Variants in PLAGL1 observed in about 807,000 individuals in gnomAD.
PLAGL1 encodes PLAG1 like zinc finger 1.
PLAGL1 carries 1 observed loss-of-function variant against 4.6 expected under a neutral mutation model. That is an observed-to-expected ratio of 0.22 (90% CI 0.08 to 1.03). The LOEUF (loss-of-function observed/expected upper bound fraction) is 1.03, where lower values mean the gene tolerates loss of function less well. PLAGL1 is among the 50% of genes least tolerant of loss of function. PLAGL1 has a pLI of 0.58. For synonymous variants in PLAGL1, 240 were observed against 237.8 expected (o/e 1.01, Z -0.08); for missense variants, 464 against 570.4 (o/e 0.81, Z 1.90).
In PLAGL1 at chr6:144,059,427, G is replaced by A. The variant is rs1799225717; in HGVS notation, c.-151+5041C>T. Among the ~76,000 whole-genome samples, 1 of 152,158 alleles carries A rather than the reference G, an allele frequency of 6.6e-6. No individual in the cohort carries two copies. The highest frequency in any genetic ancestry group is 1.5e-5 in the Non-Finnish European group (1 of 68,038). ...CCTCCACCAACTGGGCAGGATTCAGGGGCCTTTGTGTCTGTTAACAAAGCA... is the reference window on the plus strand; with the variant it reads ...CCTCCACCAACTGGGCAGGATTCAGAGGCCTTTGTGTCTGTTAACAAAGCA... On this transcript the variant is annotated intron_variant, in intron 1 of 3. Coordinates refer to the PLAGL1 transcript ENST00000437412. This position sits in a 1 kb window ranked among gnomAD's most constrained non-coding sequence, Gnocchi z 4.9.
At chr6:144,002,032 G>C (rs1793012809) in intron 1 of PLAGL1, among the ~76,000 whole-genome samples, 1 of 152,086 alleles carries the variant, frequency 6.6e-6, no homozygotes, top group South Asian at 2.1e-4. Context: ...GTGGTAATCT[G>C]AATAAAGTGT....
rs1416256527 is a variant in PLAGL1 at position 143,964,026 on chromosome 6, AAGGAGAAGCAG to A, written c.-399+750_-399+760del. ...TTCTGCTGGACTTCTGGGAGGCGAG[AAGGAGAAGCAG>A]AGGAGAAGCTGCCAAAATGACACTC... On this transcript the variant is annotated intron_variant, in intron 5 of 7. Transcript: ENST00000674357. The surrounding 1 kb of genome is among the most constrained non-coding windows in gnomAD (Gnocchi z 4.3). 6.6e-6 allele frequency among the ~76,000 whole-genome samples: 1 copy of A among 152,062 alleles called. No homozygotes were observed. The highest frequency in any genetic ancestry group is 1.9e-4 in the East Asian group (1 of 5,192).
chr6:143,959,549 T>C lies in PLAGL1; in HGVS notation c.-325+920A>G, dbSNP rs1782903726. Among the ~76,000 whole-genome samples the C allele has an allele frequency of 6.6e-6, 1 of 152,236 alleles. No individual in the cohort carries two copies. The highest frequency in any genetic ancestry group is 2.1e-4 in the South Asian group (1 of 4,836). On this transcript the variant is annotated intron_variant, in intron 6 of 7. Coordinates refer to ENST00000674357, the MANE Select transcript of PLAGL1 (RefSeq NM_001317162.2). This position sits in a 1 kb window ranked among gnomAD's most constrained non-coding sequence, Gnocchi z 5.3. Reference sequence around the variant, plus strand: ...CCAAATATTTAGTGACAATATTGTATTTCAGTAGGAGTCGGAATACTATTT... The same window carrying C: ...CCAAATATTTAGTGACAATATTGTACTTCAGTAGGAGTCGGAATACTATTT...
In PLAGL1 at chr6:143,984,617, G is replaced by T. The variant is rs761332628; in HGVS notation, c.-544+518C>A. Among the ~76,000 whole-genome samples, 2 of 151,964 alleles carry T rather than the reference G, an allele frequency of 1.3e-5. No individual in the cohort carries two copies. The highest frequency in any genetic ancestry group is 2.9e-5 in the Non-Finnish European group (2 of 67,992). On this transcript the variant is annotated intron_variant, in intron 2 of 7. Transcript: ENST00000674357. The surrounding 1 kb of genome is among the most constrained non-coding windows in gnomAD (Gnocchi z 5.5). ...ACAGACTTAGAATCTGTCAGAGAAT[G>T]CAAATCCTTGTTAAGTTACTTTGTA... is the stretch of plus-strand genomic sequence containing the variant.
At chr6:144,049,693 C>T (rs1378639719) in intron 1 of PLAGL1, among the ~76,000 whole-genome samples, 1 of 152,104 alleles carries the variant, frequency 6.6e-6, no homozygotes, top group Non-Finnish European at 1.5e-5. Flanking sequence ...CAGGTCTCTC[C>T]CTAGACATGT....
chr6:144,031,175 T>C (rs1410769602), intron 1 of PLAGL1, among the ~76,000 whole-genome samples: 1 of 152,334 alleles, frequency 6.6e-6, no homozygotes, highest in East Asian at 1.9e-4. Flanking sequence ...TGGATATCCT[T>C]AGCCCGCTTT....
At position 143,976,791 on chromosome 6, in the gene PLAGL1, C is replaced by T. The variant is rs913259073; in HGVS notation, c.-543-7813G>A. On this transcript the variant is annotated intron_variant, in intron 2 of 7. Coordinates refer to ENST00000674357, the MANE Select transcript of PLAGL1 (RefSeq NM_001317162.2). ...CTTCTCTCACAACATGAAAGAAACA[C>T]ATTTTTTAATGAAAGATGTTCAGAC... 3.9e-5 allele frequency among the ~76,000 whole-genome samples: 6 copies of T among 152,164 alleles called. No individual in the cohort carries two copies. The East Asian group carries it at 1.2e-3, about 29-fold the overall frequency.
Position 144,050,799 on chromosome 6 carries a change from A to C in PLAGL1, c.-151+13669T>G, listed in dbSNP as rs1798525424. On this transcript the variant is annotated intron_variant, in intron 1 of 3. Coordinates refer to the PLAGL1 transcript ENST00000437412. The surrounding 1 kb of genome is among the most constrained non-coding windows in gnomAD (Gnocchi z 4.3). ...GTTGTCCCAGCTACTCAAGAGGCTG[A>C]GGTGGCAGGATCACTTGAGTCTGTG... 1.3e-5 allele frequency among the ~76,000 whole-genome samples: 2 copies of C among 152,210 alleles called. No individual in the cohort carries two copies. The highest frequency in any genetic ancestry group is 4.8e-5 in the African/African-American group (2 of 41,458).
At chr6:144,009,114 T>C (rs1343124366), upstream of PLAGL1, among the ~76,000 whole-genome samples, 1 of 152,212 alleles carries the variant, frequency 6.6e-6, no homozygotes, top group African/African-American at 2.4e-5. Context: ...GAAAGTCTCA[T>C]AGCTCTGAAA....
intron 2 of PLAGL1, among the ~76,000 whole-genome samples, chr6:143,977,135 G>A (rs1461092518): frequency 7.2e-6 from 1 of 138,466 alleles, no homozygotes; most frequent in East Asian, 2.1e-4. Flanking sequence ...CCCCACTAGA[G>A]TGGTACATTT....
rs934948707 is a variant in PLAGL1, at chr6:143,957,883, G to T, written c.-325+2586C>A. Among the ~76,000 whole-genome samples the T allele has an allele frequency of 3.3e-5, 5 of 152,210 alleles. No homozygotes were observed. The highest frequency in any genetic ancestry group is 4.8e-5 in the African/African-American group (2 of 41,454). On this transcript the variant is annotated intron_variant, in intron 6 of 7. Transcript: ENST00000674357. The surrounding 1 kb of genome is among the most constrained non-coding windows in gnomAD (Gnocchi z 4.2). The stretch of plus-strand genomic sequence containing the variant: ...GTATCTTGACACTGGATTTATAGAT[G>T]ACCTCATTGTTTATTTTTTGAATAT...
intron 1 of PLAGL1, among the ~76,000 whole-genome samples, chr6:144,062,371 C>G (rs546032074): frequency 7.1e-6 from 1 of 140,584 alleles, no homozygotes; most frequent in African/African-American, 2.7e-5. Context: ...AGTGAGACTC[C>G]GTCTCAAACA....
In PLAGL1 at chr6:144,036,808, C is replaced by A. The variant is rs1797279253; in HGVS notation, c.-151+27660G>T. 6 of 331,676 alleles carry A rather than the reference C, an allele frequency of 1.8e-5. No homozygotes were observed. The highest frequency in any genetic ancestry group is 1.5e-4 in the South Asian group (6 of 39,948). The allele number at this position is 331,676 out of a possible 1,614,324, so 20.5% of individuals were successfully genotyped here. On this transcript the variant is annotated intron_variant, in intron 1 of 3. Coordinates refer to the PLAGL1 transcript ENST00000437412. The surrounding 1 kb of genome is among the most constrained non-coding windows in gnomAD (Gnocchi z 5.1). ...GACCTGCTAAATGCCCATTATGACA[C>A]TATTTGACTAAACAGGTTTGAAATA... is the stretch of plus-strand genomic sequence containing the variant.
chr6:143,960,257 C>T lies in PLAGL1; in HGVS notation c.-325+212G>A, dbSNP rs2328536. Among the ~76,000 whole-genome samples the T allele has an allele frequency of 0.61, 92,424 of 151,980 alleles. 28,796 individuals are homozygous for T. The highest frequency in any genetic ancestry group is 0.69 in the Non-Finnish European group (46,591 of 67,970). On this transcript the variant is annotated intron_variant, in intron 6 of 7. Transcript: ENST00000674357. The surrounding 1 kb of genome is among the most constrained non-coding windows in gnomAD (Gnocchi z 5.7). ...AGTTGCTAACTGCATCATCCAATTC[C>T]CTGAAACACATGTGCACTGAGCTTT...
At chr6:144,018,233 T>C (rs1455966169) in intron 1 of PLAGL1, among the ~76,000 whole-genome samples, 1 of 152,188 alleles carries the variant, frequency 6.6e-6, no homozygotes, top group Admixed American at 6.5e-5. Flanking sequence ...TACAACAACA[T>C]GCATGAGCCT....
intron 1 of PLAGL1, among the ~76,000 whole-genome samples, chr6:144,023,764 T>C (rs113133610): frequency 0.015 from 2,252 of 146,650 alleles, 82 homozygotes; most frequent in African/African-American, 0.056. Context: ...GAACTCATAT[T>C]TAGCTTTTTT....
intron 1 of PLAGL1, among the ~76,000 whole-genome samples, chr6:144,057,084 T>C (rs1432465680): frequency 1.3e-5 from 2 of 152,246 alleles, no homozygotes; most frequent in Non-Finnish European, 2.9e-5. Context: ...AACATCCTCA[T>C]ACTGGTCTTG....
At chr6:144,020,822 T>C (rs967411286) in intron 1 of PLAGL1, among the ~76,000 whole-genome samples, 1 of 146,040 alleles carries the variant, frequency 6.8e-6, no homozygotes, top group Non-Finnish European at 1.5e-5. Context: ...TTATATATTA[T>C]ATTATATATA....
chr6:144,014,845 G>A (rs1795462550), intron 1 of PLAGL1, among the ~76,000 whole-genome samples: 1 of 152,138 alleles, frequency 6.6e-6, no homozygotes, highest in Non-Finnish European at 1.5e-5. Context: ...CTCCCAAGGT[G>A]CTGAGATTAC....
Sources: allele counts gnomAD v4.1 joint callset (sites outside exome capture counted in the v4.1 genomes callset), GRCh38; gene constraint gnomAD v4.1.1; non-coding constraint Gnocchi (gnomAD v3.1); transcripts MANE v1.5; gene names NCBI Gene and HGNC (gene_info 2026-07-23, HGNC 2026-07-21).